The following SPAG16 variants were observed in gnomAD, a reference collection of about 807,000 sequenced individuals.
SPAG16 encodes sperm-associated antigen 16 protein.
A neutral mutation model predicts 80.4 loss-of-function variants in SPAG16; 86 were observed. The ratio of observed to expected loss-of-function variants is 1.07; its 90% CI spans 0.90 to 1.28. SPAG16 has a LOEUF of 1.28. SPAG16 is among the 50% of genes most tolerant of loss of function. The pLI is 0.00. For synonymous variants in SPAG16, 294 were observed against 265.9 expected, an observed-to-expected ratio of 1.11 and a Z score of -1.03; for missense variants, 870 against 765.3, an observed-to-expected ratio of 1.14 and a Z score of -1.61.
At chr2:213,426,673 T>C (rs1433112024) in intron 9 of SPAG16, among the ~76,000 whole-genome samples, 2 of 152,022 alleles carry the variant, frequency 1.3e-5, no homozygotes, top group African/African-American at 4.8e-5. Flanking sequence ...TAACCTTCTC[T>C]TCTCCTATAC....
At chr2:213,566,686 G>T (rs2059779943) in intron 10 of SPAG16, among the ~76,000 whole-genome samples, 1 of 152,124 alleles carries the variant, frequency 6.6e-6, no homozygotes, top group Non-Finnish European at 1.5e-5. Flanking sequence ...TGCAACATCT[G>T]CATAACAATC....
chr2:214,006,040 A>C (rs1250456408), intron 12 of SPAG16, among the ~76,000 whole-genome samples: 1 of 152,226 alleles, frequency 6.6e-6, no homozygotes, highest in African/African-American at 2.4e-5. Flanking sequence ...AATGCTATTT[A>C]AAATCCAGCT....
chr2:214,172,085 T>G (rs79036454), intron 15 of SPAG16, among the ~76,000 whole-genome samples: 1 of 149,324 alleles, frequency 6.7e-6, no homozygotes, highest in South Asian at 2.1e-4. Context: ...GCATACTTTG[T>G]TTTTTTTTTA....
intron 10 of SPAG16, among the ~76,000 whole-genome samples, chr2:213,553,602 C>T (rs1158684801): frequency 6.6e-6 from 1 of 152,178 alleles, no homozygotes; most frequent in Non-Finnish European, 1.5e-5. Context: ...AATGTATACC[C>T]ATCTCTTCCA....
chr2:213,932,972 A>ACACACACG (rs1433179471), intron 12 of SPAG16, among the ~76,000 whole-genome samples: 5 of 151,802 alleles, frequency 3.3e-5, no homozygotes, highest in Non-Finnish European at 7.4e-5. Flanking sequence ...ACACACACAC[A>ACACACACG]CACACACACA....
At chr2:213,381,125 G>A (rs1417946434) in intron 9 of SPAG16, among the ~76,000 whole-genome samples, 2 of 151,912 alleles carry the variant, frequency 1.3e-5, no homozygotes, top group East Asian at 3.9e-4. Flanking sequence ...TGATCAGAAG[G>A]CTATGATAAG....
chr2:214,143,234 GT>G (rs59910884), intron 14 of SPAG16, among the ~76,000 whole-genome samples: 25,366 of 111,836 alleles, frequency 0.23, 1,448 homozygotes, highest in East Asian at 0.34. Flanking sequence ...ATAGTTTTGG[GT>G]TTTTTTTTTT....
intron 10 of SPAG16, among the ~76,000 whole-genome samples, chr2:213,509,626 A>G (rs2075139017): frequency 6.6e-6 from 1 of 152,236 alleles, no homozygotes; most frequent in Non-Finnish European, 1.5e-5. Context: ...CAACGAGAAC[A>G]AAGACACAAC....
At chr2:213,525,314 A>G (rs2075849182) in intron 10 of SPAG16, among the ~76,000 whole-genome samples, 2 of 117,514 alleles carry the variant, frequency 1.7e-5, no homozygotes, top group South Asian at 5.6e-4. Context: ...TTTGAGACAG[A>G]GTCTCGCTTG....
At chr2:213,691,812 C>T (rs1051140299) in intron 10 of SPAG16, among the ~76,000 whole-genome samples, 1 of 152,162 alleles carries the variant, frequency 6.6e-6, no homozygotes, top group African/African-American at 2.4e-5. Flanking sequence ...AGGTGGCAAT[C>T]ATTGTTTGTT....
chr2:213,600,505 T>C (rs1412808454), intron 10 of SPAG16, among the ~76,000 whole-genome samples: 1 of 152,218 alleles, frequency 6.6e-6, no homozygotes, highest in Non-Finnish European at 1.5e-5. Flanking sequence ...AGTATTGTGG[T>C]AGGTGCTGAA....
chr2:213,757,899 T>C (rs2068430925), intron 10 of SPAG16, among the ~76,000 whole-genome samples: 1 of 152,058 alleles, frequency 6.6e-6, no homozygotes, highest in Non-Finnish European at 1.5e-5. Context: ...CTATCCATTA[T>C]TGCAAGCCCC....
chr2:213,451,972 C>T (rs1259404105), intron 9 of SPAG16, among the ~76,000 whole-genome samples: 1 of 151,606 alleles, frequency 6.6e-6, no homozygotes, highest in Admixed American at 6.6e-5. Flanking sequence ...CCCTCCACTC[C>T]CGCGCTTCCA....
rs2062022325 is a variant in SPAG16, at chr2:213,285,513, G to A, written c.136+894G>A. Among the ~76,000 whole-genome samples the A allele has an allele frequency of 3.9e-5, 6 of 152,158 alleles. 1 individual carries two copies. In the South Asian group the frequency reaches 1.2e-3, roughly 32 times the overall value. ...AGATACCAAGGAAACTCCAAAATCT[G>A]CCAAATCTTATTTGTTTGTCCAACT... is the stretch of plus-strand genomic sequence containing the variant. On this transcript the variant is annotated intron_variant, in intron 1 of 15. Coordinates refer to ENST00000331683, the MANE Select transcript of SPAG16 (RefSeq NM_024532.5).
In SPAG16 at chr2:213,691,034, G is replaced by A. The variant is rs116956357; in HGVS notation, c.1071-171451G>A. Among the ~76,000 whole-genome samples the A allele has an allele frequency of 1.8e-3, 276 of 152,116 alleles. 5 individuals are homozygous for A. In the East Asian group the frequency reaches 0.025, roughly 14 times the overall value. ...GCAGAACCCTGACTAATACAGTGACGGAGGAGCCCTGAAGGCCTAATCACC... is the reference window on the plus strand; with the variant it reads ...GCAGAACCCTGACTAATACAGTGACAGAGGAGCCCTGAAGGCCTAATCACC... On this transcript the variant is annotated intron_variant, in intron 10 of 15. Transcript: ENST00000331683.
At chr2:214,374,242 A>AC (rs2126094178) in intron 15 of SPAG16, among the ~76,000 whole-genome samples, 1 of 152,340 alleles carries the variant, frequency 6.6e-6, no homozygotes, top group South Asian at 2.1e-4. Flanking sequence ...GCAGCAATAT[A>AC]CCAGGAAGGG....
chr2:214,307,060 G>A (rs1279727559), intron 15 of SPAG16, among the ~76,000 whole-genome samples: 1 of 152,052 alleles, frequency 6.6e-6, no homozygotes, highest in South Asian at 2.1e-4. Flanking sequence ...CTTGATTTCA[G>A]AGCTCATTAT....
At chr2:213,857,586 T>C (rs1053332309) in intron 10 of SPAG16, among the ~76,000 whole-genome samples, 1 of 152,182 alleles carries the variant, frequency 6.6e-6, no homozygotes, top group African/African-American at 2.4e-5. Flanking sequence ...AAATATTACT[T>C]CCCATTTAAA....
chr2:214,402,905 T>A (rs993212197), intron 15 of SPAG16, among the ~76,000 whole-genome samples: 5 of 152,000 alleles, frequency 3.3e-5, no homozygotes, highest in African/African-American at 1.2e-4. Context: ...TTTAAATATA[T>A]TCCTAGAGAT....
Sources: gnomAD v4.1 joint callset for allele counts (sites outside exome capture counted in the v4.1 genomes callset) on GRCh38, gnomAD v4.1.1 for gene constraint, MANE v1.5 for transcripts, NCBI Gene and HGNC (gene_info 2026-07-23, HGNC 2026-07-21) for gene names.